THSD7B: variants seen among roughly 807,000 people sequenced by gnomAD.
THSD7B encodes the protein thrombospondin type 1 domain containing 7B.
In THSD7B, 138 loss-of-function variants were observed where a neutral mutation model predicts 213.6. That is an observed-to-expected ratio of 0.65 (90% CI 0.56 to 0.74). The LOEUF (loss-of-function observed/expected upper bound fraction) is 0.74, where lower values mean the gene tolerates loss of function less well. Ranked by LOEUF, THSD7B falls within the 30% of genes least tolerant of loss-of-function variation. The pLI is 0.00. For missense variants in THSD7B, 1,931 were observed against 1,991.5 expected (o/e 0.97, Z 0.58); for synonymous variants, 742 against 687.0 (o/e 1.08, Z -1.25).
intron 1 of THSD7B, among the ~76,000 whole-genome samples, chr2:136,873,021 TAAA>T (rs1553454610): frequency 6.9e-5 from 3 of 43,504 alleles, no homozygotes; most frequent in African/African-American, 9.3e-5. Context: ...AGACTCCATC[TAAA>T]AAAAAAAAAA....
At chr2:136,882,430 TAG>T (rs1466352992) in intron 2 of THSD7B, 113 bp downstream of exon 2, 20 of 1,104,024 alleles carry the variant, frequency 1.8e-5, no homozygotes, top group Admixed American at 8.1e-5. Context: ...AGAGGAAAAA[TAG>T]ACTCTTTTTT....
intron 17 of THSD7B, among the ~76,000 whole-genome samples, chr2:137,612,050 C>T (rs995998915): frequency 6.6e-6 from 1 of 152,108 alleles, no homozygotes; most frequent in African/African-American, 2.4e-5. Flanking sequence ...AAATTAATAA[C>T]TTTGTAATTT....
At position 137,522,111 on chromosome 2, in the gene THSD7B, A is replaced by G. The variant is rs545372327; in HGVS notation, c.3139-41110A>G. 6.6e-5 allele frequency among the ~76,000 whole-genome samples: 10 copies of G among 152,256 alleles called. No homozygotes were observed. The South Asian group carries it at 1.9e-3, about 28-fold the overall frequency. On this transcript the variant is annotated intron_variant, in intron 15 of 27. Coordinates refer to ENST00000409968, the MANE Select transcript of THSD7B (RefSeq NM_001316349.2). The stretch of plus-strand genomic sequence containing the variant: ...GCATGGGCTAGGCTGTCTTTTTCTC[A>G]GGTTTGAATCAGCTCAGATAAACTC...
At chr2:136,898,586 C>A (rs1443859962) in intron 2 of THSD7B, among the ~76,000 whole-genome samples, 1 of 144,280 alleles carries the variant, frequency 6.9e-6, no homozygotes, top group Non-Finnish European at 1.5e-5. Flanking sequence ...CCCGCCCCCC[C>A]GCCAAAAGAG....
At chr2:137,626,080 T>C (rs966409821) in intron 20 of THSD7B, among the ~76,000 whole-genome samples, 6 of 152,176 alleles carry the variant, frequency 3.9e-5, no homozygotes, top group African/African-American at 1.4e-4. Flanking sequence ...CACAGGGCAG[T>C]GGTGCTCCAG....
chr2:136,857,612 T>C lies in THSD7B; in HGVS notation c.-35-24532T>C, dbSNP rs543561554. On this transcript the variant is annotated intron_variant, in intron 1 of 27. Transcript: ENST00000409968. ...AATTCATTATATGTAACACACCACA[T>C]GCACACACACACAAACACACACACA... 1.4e-5 allele frequency among the ~76,000 whole-genome samples: 2 copies of C among 138,246 alleles called. 1 individual carries two copies. The highest frequency in any genetic ancestry group is 5.1e-5 in the African/African-American group (2 of 39,416). 90.7% of individuals were successfully genotyped at this position (138,246 alleles called of 152,430 possible).
intron 21 of THSD7B, 97 bp downstream of exon 21, chr2:137,642,730 C>T (rs1019929093): frequency 7.2e-7 from 1 of 1,396,586 alleles, no homozygotes; most frequent in Non-Finnish European, 9.7e-7. Flanking sequence ...TTTCACAGCA[C>T]CAGGGGTCTG....
intron 12 of THSD7B, among the ~76,000 whole-genome samples, chr2:137,306,022 G>T (rs1481482082): frequency 6.6e-6 from 1 of 152,118 alleles, no homozygotes; most frequent in East Asian, 1.9e-4. Context: ...GTACACCTGT[G>T]TGCGGCACTT....
intron 2 of THSD7B, among the ~76,000 whole-genome samples, chr2:136,973,561 T>C (rs1216614594): frequency 6.6e-6 from 1 of 152,224 alleles, no homozygotes; most frequent in Non-Finnish European, 1.5e-5. Context: ...CTTCTGAGTC[T>C]TTAATATATT....
chr2:137,521,916 C>T (rs1680192095), intron 15 of THSD7B, among the ~76,000 whole-genome samples: 1 of 151,556 alleles, frequency 6.6e-6, no homozygotes, highest in Admixed American at 6.6e-5. Context: ...AACCTTACTC[C>T]ATGTTCTGCA....
At chr2:137,171,183 A>G (rs746095768) in intron 7 of THSD7B, among the ~76,000 whole-genome samples, 5 of 152,178 alleles carry the variant, frequency 3.3e-5, no homozygotes, top group Non-Finnish European at 5.9e-5. Flanking sequence ...AAACCTAGAG[A>G]TTTCTTAAGA....
At chr2:136,853,288 C>T (rs749554031) in intron 1 of THSD7B, among the ~76,000 whole-genome samples, 3 of 152,170 alleles carry the variant, frequency 2.0e-5, no homozygotes, top group African/African-American at 4.8e-5. Context: ...TTCATTTAGT[C>T]GTCAGGTCTC....
intron 14 of THSD7B, among the ~76,000 whole-genome samples, chr2:137,443,436 T>G (rs1400584059): frequency 6.6e-6 from 1 of 152,156 alleles, no homozygotes; most frequent in African/African-American, 2.4e-5. Context: ...CAATTTGTCA[T>G]AGAATTTGTA....
chr2:137,470,910 C>CTTTTTTTTTTTTTTT (rs70978226), intron 15 of THSD7B, among the ~76,000 whole-genome samples: 29 of 119,824 alleles, frequency 2.4e-4, no homozygotes, highest in African/African-American at 5.7e-4. Flanking sequence ...TTTTTCTTTA[C>CTTTTTTTTTTTTTTT]TTTTTTTTTT....
In THSD7B at chr2:137,599,686, C is replaced by T. The variant is rs149423878; in HGVS notation, c.3424-16489C>T. ...ATGCTGCTATAAAGACACATGCACA[C>T]GTATGTTTATTGCAGCATTATTCTT... On this transcript the variant is annotated intron_variant, in intron 17 of 27. Transcript: ENST00000409968. Among the ~76,000 whole-genome samples the T allele has an allele frequency of 6.1e-3, 930 of 152,178 alleles. 9 individuals are homozygous for T. Among genetic ancestry groups the T allele is most frequent in the African/African-American group, 0.021 (881 of 41,518 alleles).
intron 1 of THSD7B, among the ~76,000 whole-genome samples, chr2:136,783,163 T>G (rs548053500): frequency 5.3e-5 from 8 of 152,334 alleles, no homozygotes; most frequent in African/African-American, 1.9e-4. Flanking sequence ...GCCTGGCATT[T>G]GAAAAATGAA....
rs142778054 is a variant in THSD7B, at chr2:137,241,456, C to G, written c.2151-1001C>G. ...TTCCAAATAATTGTGACTCCATTAACTATTTATATTACTTTCTTCCCAAGT... is the reference window on the plus strand; with the variant it reads ...TTCCAAATAATTGTGACTCCATTAAGTATTTATATTACTTTCTTCCCAAGT... On this transcript the variant is annotated intron_variant, in intron 9 of 27. Transcript: ENST00000409968. Among the ~76,000 whole-genome samples the G allele has an allele frequency of 7.2e-5, 11 of 152,330 alleles. No homozygotes were observed. In the East Asian group the frequency reaches 1.7e-3, roughly 24 times the overall value.
At chr2:137,196,603 C>T (rs1033327258) in intron 7 of THSD7B, among the ~76,000 whole-genome samples, 23 of 151,980 alleles carry the variant, frequency 1.5e-4, no homozygotes, top group Admixed American at 7.9e-4. Context: ...ATGGTGATGC[C>T]AAACAACCAC....
intron 5 of THSD7B, among the ~76,000 whole-genome samples, chr2:137,138,094 A>T (rs1313868020): frequency 1.3e-5 from 2 of 151,934 alleles, no homozygotes; most frequent in African/African-American, 4.8e-5. Flanking sequence ...GGGTCCCATT[A>T]TGTTGCCCCG....
Sources: allele counts gnomAD v4.1 joint callset (sites outside exome capture counted in the v4.1 genomes callset), GRCh38; gene constraint gnomAD v4.1.1; transcripts MANE v1.5; gene names NCBI Gene and HGNC (gene_info 2026-07-23, HGNC 2026-07-21).